AOAH: variants seen among roughly 807,000 people sequenced by gnomAD.
AOAH encodes the protein acyloxyacyl hydrolase.
A neutral mutation model predicts 92.2 loss-of-function variants in AOAH; 64 were observed. The ratio of observed to expected loss-of-function variants is 0.69; its 90% CI spans 0.57 to 0.86. The LOEUF (loss-of-function observed/expected upper bound fraction) is 0.86, where lower values mean the gene tolerates loss of function less well. Among genes scored for constraint, AOAH ranks in the 40% least tolerant of loss-of-function variants. The pLI, the probability that AOAH is intolerant of heterozygous loss-of-function variation, is 0.00. For missense variants in AOAH, 656 were observed against 694.6 expected, an observed-to-expected ratio of 0.94 and a Z score of 0.62; for synonymous variants, 263 against 254.5, an observed-to-expected ratio of 1.03 and a Z score of -0.32.
At chr7:36,530,100 G>A (rs139114418) in intron 19 of AOAH, among the ~76,000 whole-genome samples, 11 of 152,260 alleles carry the variant, frequency 7.2e-5, no homozygotes, top group African/African-American at 2.4e-4. Flanking sequence ...CTTTTAACCC[G>A]ACAAGAACAG....
At chr7:36,651,422 A>G (rs1047870388) in intron 4 of AOAH, among the ~76,000 whole-genome samples, 2 of 152,204 alleles carry the variant, frequency 1.3e-5, no homozygotes, top group African/African-American at 4.8e-5. Flanking sequence ...GGATAGTTAA[A>G]AAAAGATAAC....
chr7:36,616,533 C>G, intron 10 of AOAH, 59 bp from the exon 11 acceptor site: 1 of 1,450,714 alleles, frequency 6.9e-7, no homozygotes, highest in South Asian at 1.2e-5. Flanking sequence ...AACCTCCAGA[C>G]TGGGTAGATA....
chr7:36,527,394 AGGAC>A (rs923854585), intron 19 of AOAH, among the ~76,000 whole-genome samples: 7 of 152,246 alleles, frequency 4.6e-5, no homozygotes, highest in Admixed American at 3.3e-4. Context: ...TGGGACTATC[AGGAC>A]TGCAGACTTA....
chr7:36,657,585 G>A (rs1794965521), intron 4 of AOAH, among the ~76,000 whole-genome samples: 5 of 152,184 alleles, frequency 3.3e-5, no homozygotes, highest in Admixed American at 2.6e-4. Flanking sequence ...GGGGACCCGA[G>A]GCAGAGGGTG....
Position 36,724,117 on chromosome 7 carries a change from G to T in AOAH, c.32C>A (p.Ala11Glu), listed in dbSNP as rs144897559. Residue 11 changes from alanine (A) to glutamate (E), a missense_variant, in exon 1 of 21, where the codon GCG (alanine) becomes GAG (glutamate). By Grantham distance (107) the Ala-to-Glu change is moderately radical. Transcript: ENST00000617537. The part of the protein sequence containing the change: MQSPWKILTV[A>E]PLFLLLSLQS... ...AAGAGACAGGAGCAAGAATAGAGGC[G>T]CCACCGTAAGGATTTTCCAGGGGGA... 4.3e-6 allele frequency: 7 copies of T among 1,613,292 alleles called. No homozygotes were observed. In the African/African-American group the frequency reaches 8.0e-5, roughly 18 times the overall value.
intron 9 of AOAH, 89 bp from the exon 10 acceptor site, chr7:36,618,434 C>T: frequency 2.5e-6 from 3 of 1,202,602 alleles, no homozygotes; most frequent in Non-Finnish European, 2.5e-6. Flanking sequence ...TTTAAAAGCA[C>T]AAAGGCAAAT....
chr7:36,677,178 A>G (rs774237151), intron 2 of AOAH, among the ~76,000 whole-genome samples: 3 of 152,208 alleles, frequency 2.0e-5, no homozygotes, highest in Non-Finnish European at 2.9e-5. Context: ...ATTTTTGCCA[A>G]TCATATATCA....
At chr7:36,719,568 G>T (rs1454099047) in intron 1 of AOAH, among the ~76,000 whole-genome samples, 5 of 152,142 alleles carry the variant, frequency 3.3e-5, no homozygotes, top group Non-Finnish European at 7.3e-5. Context: ...ATCAAGGCAA[G>T]GATATCCTTT....
chr7:36,709,019 T>G (rs943616109), intron 1 of AOAH, among the ~76,000 whole-genome samples: 5 of 152,134 alleles, frequency 3.3e-5, no homozygotes, highest in Non-Finnish European at 7.4e-5. Flanking sequence ...CTGAGCTCTT[T>G]TAGGTCTCCC....
At chr7:36,557,814 G>A (rs1215864888) in intron 13 of AOAH, among the ~76,000 whole-genome samples, 3 of 151,780 alleles carry the variant, frequency 2.0e-5, no homozygotes, top group Non-Finnish European at 4.4e-5. Context: ...CGTAGTTCTC[G>A]AGCCTTGGCT....
chr7:36,558,261 G>C (rs1488273607), intron 13 of AOAH, among the ~76,000 whole-genome samples: 1 of 152,212 alleles, frequency 6.6e-6, no homozygotes, highest in African/African-American at 2.4e-5. Flanking sequence ...TCCAGACCCT[G>C]TTTGCCTGGG....
intron 6 of AOAH, among the ~76,000 whole-genome samples, chr7:36,625,799 G>A (rs981060672): frequency 1.3e-5 from 2 of 152,190 alleles, no homozygotes; most frequent in Non-Finnish European, 2.9e-5. Context: ...TGGGCTCAGA[G>A]GCTGTGACGC....
At chr7:36,666,503 TTTAATTTTCTA>T (rs1359125102) in intron 3 of AOAH, among the ~76,000 whole-genome samples, 2 of 152,020 alleles carry the variant, frequency 1.3e-5, no homozygotes, top group Non-Finnish European at 2.9e-5. Flanking sequence ...TAGCTTTTGG[TTTAATTTTCTA>T]TTAATTTTCT....
At chr7:36,532,611 T>C (rs1159009982) in intron 16 of AOAH, among the ~76,000 whole-genome samples, 1 of 152,116 alleles carries the variant, frequency 6.6e-6, no homozygotes, top group Non-Finnish European at 1.5e-5. Flanking sequence ...CTGGGGGAAG[T>C]GGCCTCATCT....
rs557431539 is a variant in AOAH, at chr7:36,682,732, A to C, written c.223+3967T>G. 8.5e-5 allele frequency among the ~76,000 whole-genome samples: 13 copies of C among 152,242 alleles called. No homozygotes were observed. The East Asian group carries it at 2.5e-3, about 29-fold the overall frequency. ...GTGAAGTCTAAACTAGAATGAATAC[A>C]AGAACAAGTGAAAACAGTAGATGAG... On this transcript the variant is annotated intron_variant, in intron 2 of 20. Transcript: ENST00000617537.
chr7:36,699,256 G>A (rs540910348), intron 1 of AOAH, among the ~76,000 whole-genome samples: 1 of 152,060 alleles, frequency 6.6e-6, no homozygotes, highest in East Asian at 1.9e-4. Flanking sequence ...AAATGGTGCT[G>A]CAGTAAACAT....
intron 1 of AOAH, among the ~76,000 whole-genome samples, chr7:36,712,313 G>A (rs1318717126): frequency 6.6e-6 from 1 of 152,086 alleles, no homozygotes; most frequent in Non-Finnish European, 1.5e-5. Flanking sequence ...GACACTGAAG[G>A]CATTTTATAT....
At chr7:36,656,636 C>G (rs1335674168) in intron 4 of AOAH, among the ~76,000 whole-genome samples, 1 of 151,988 alleles carries the variant, frequency 6.6e-6, no homozygotes, top group African/African-American at 2.4e-5. Context: ...TTGGTTAACT[C>G]TGCCACATAT....
At chr7:36,691,733 A>T (rs574952722) in intron 1 of AOAH, among the ~76,000 whole-genome samples, 1 of 152,222 alleles carries the variant, frequency 6.6e-6, no homozygotes, top group Non-Finnish European at 1.5e-5. Flanking sequence ...ACTTCCTCCC[A>T]TGAAGTGATG....
Sources: allele counts gnomAD v4.1 joint callset (sites outside exome capture counted in the v4.1 genomes callset), GRCh38; gene constraint gnomAD v4.1.1; transcripts MANE v1.5; gene names NCBI Gene and HGNC (gene_info 2026-07-23, HGNC 2026-07-21).